The following KIF26B variants were observed in gnomAD, a reference collection of about 807,000 sequenced individuals.
KIF26B encodes the protein kinesin family member 26B.
In KIF26B, 63 loss-of-function variants were observed where a neutral mutation model predicts 151.2. That is an observed-to-expected ratio of 0.42 (90% CI 0.34 to 0.51). KIF26B has a LOEUF of 0.51. Among genes scored for constraint, KIF26B ranks in the 20% least tolerant of loss-of-function variants. The probability of loss-of-function intolerance (pLI) is 0.07; values close to 1 mark genes in which losing one functional copy is unlikely to be tolerated. For synonymous variants in KIF26B, 1,357 were observed against 1,262.1 expected (o/e 1.08, Z -1.59); for missense variants, 2,813 against 2,913.6 (o/e 0.97, Z 0.79).
rs868090020 is a variant in KIF26B at position 245,687,538 on chromosome 1, G to T, written c.4555G>T (p.Gly1519Cys). The T allele has an allele frequency of 6.4e-7, 1 of 1,568,930 alleles. No homozygotes were observed. The highest frequency in any genetic ancestry group is 8.6e-7 in the Non-Finnish European group (1 of 1,157,402). The change falls in exon 12 of 15, where the codon GGT (glycine) becomes TGT (cysteine). Residue 1519 changes from glycine (G) to cysteine (C), a missense_variant. Gly to Cys is a radical substitution (Grantham distance 159). Around this residue, in one of 3 missense-constraint regions of KIF26B, gnomAD observed 2,060 missense variants for 2,088.6 expected, o/e 0.99. Coordinates refer to ENST00000407071, the MANE Select transcript of KIF26B (RefSeq NM_018012.4). This position sits in a 1 kb window ranked among gnomAD's most constrained non-coding sequence, Gnocchi z 4.9. ...VVDGCEMALP[G>C]LATQSPVHPN... The stretch of plus-strand genomic sequence containing the variant: ...GGATGGGTGTGAGATGGCCCTGCCC[G>T]GTTTGGCCACCCAGAGCCCCGTGCA...
intron 4 of KIF26B, among the ~76,000 whole-genome samples, chr1:245,460,753 G>A (rs1208265780): frequency 6.6e-6 from 1 of 152,226 alleles, no homozygotes; most frequent in Non-Finnish European, 1.5e-5. Context: ...GTGTATCGGT[G>A]TGGGTATGTG....
intron 4 of KIF26B, among the ~76,000 whole-genome samples, chr1:245,489,350 T>A (rs1353688185): frequency 6.6e-6 from 1 of 152,244 alleles, no homozygotes; most frequent in African/African-American, 2.4e-5. Flanking sequence ...CTGATGCTAA[T>A]GTAGGAACGA....
intron 4 of KIF26B, among the ~76,000 whole-genome samples, chr1:245,432,553 C>T (rs928687381): frequency 6.6e-6 from 1 of 152,224 alleles, no homozygotes; most frequent in Admixed American, 6.5e-5. Context: ...GCTGAAAACC[C>T]ATCTTTTCTT....
rs2044499043 is a variant in KIF26B, at chr1:245,685,507, G to C, written c.2524G>C (p.Asp842His). 6.2e-7 allele frequency: 1 copy of C among 1,613,744 alleles called. No homozygotes were observed. ...CCACACCAGGGCCACGGTGGACCCT[G>C]ACTTCCCCATCGCTCACCTGTCCAG... ...PFHTRATVDP[D>H]FPIAHLSSDP... Residue 842 changes from aspartate to histidine, a missense_variant, in exon 12 of 15, where the codon GAC becomes CAC. Asp to His is a moderately conservative substitution (Grantham distance 81, BLOSUM62 -1). Transcript: ENST00000407071.
chr1:245,665,884 C>T (rs1429890191), intron 10 of KIF26B, among the ~76,000 whole-genome samples: 4 of 151,908 alleles, frequency 2.6e-5, no homozygotes, highest in Admixed American at 2.6e-4. Flanking sequence ...GGGGTTTCAC[C>T]ATGTTGCCCA....
chr1:245,522,363 C>T (rs1661147467), intron 4 of KIF26B, among the ~76,000 whole-genome samples: 2 of 150,386 alleles, frequency 1.3e-5, no homozygotes, highest in Admixed American at 1.3e-4. Flanking sequence ...TTTTGTTTTG[C>T]ATATGTATTG....
Position 245,156,544 on chromosome 1 carries a change from GC to G in KIF26B, c.327del (p.Ser110ProfsTer35). 6.5e-7 allele frequency: 1 copy of G among 1,535,436 alleles called. No homozygotes were observed. Among genetic ancestry groups the G allele is most frequent in the Non-Finnish European group, 8.7e-7 (1 of 1,147,022 alleles). On this transcript the variant is annotated frameshift_variant, in exon 2 of 15. Coordinates refer to ENST00000407071, the MANE Select transcript of KIF26B (RefSeq NM_018012.4). LOFTEE classifies it high-confidence loss of function. ...SLGGSPGFGT[G>X]SPGSGSGGGS... ...GGCGGCTCTCCGGGCTTCGGCACAG[GC>G]TCCCCGGGCTCCGGCAGCGGCGGCG... is the stretch of plus-strand genomic sequence containing the variant.
At chr1:245,472,444 G>A (rs983327032) in intron 4 of KIF26B, among the ~76,000 whole-genome samples, 1 of 152,140 alleles carries the variant, frequency 6.6e-6, no homozygotes, top group East Asian at 1.9e-4. Context: ...ATTTTGGGGG[G>A]TTTGGAAATA....
At chr1:245,261,408 G>A (rs371192686) in intron 2 of KIF26B, among the ~76,000 whole-genome samples, 24 of 151,840 alleles carry the variant, frequency 1.6e-4, no homozygotes, top group East Asian at 7.8e-4. Flanking sequence ...TGGGATTAGA[G>A]GCATGAGCCA....
At chr1:245,458,550 A>T (rs1309798536) in intron 4 of KIF26B, among the ~76,000 whole-genome samples, 1 of 152,178 alleles carries the variant, frequency 6.6e-6, no homozygotes, top group East Asian at 1.9e-4. Context: ...TCCTGAAGGC[A>T]TATAGCTACA....
At chr1:245,160,453 A>C (rs1450791458) in intron 2 of KIF26B, among the ~76,000 whole-genome samples, 1 of 152,198 alleles carries the variant, frequency 6.6e-6, no homozygotes, top group East Asian at 1.9e-4. Context: ...AGCCAGAAAT[A>C]GGGGCCAAGG....
rs1017332827 is a variant in KIF26B, at chr1:245,269,884, G to A, written c.466-96950G>A. Among the ~76,000 whole-genome samples, 5 of 152,064 alleles carry A rather than the reference G, an allele frequency of 3.3e-5. No homozygotes were observed. The South Asian group carries it at 8.3e-4, about 25-fold the overall frequency. ...AGGTTGTTCCCACTGTTTTGCTATC[G>A]TGAACAGTGATGCAGCGAACATGGG... On this transcript the variant is annotated intron_variant, in intron 2 of 14. Coordinates refer to ENST00000407071, the MANE Select transcript of KIF26B (RefSeq NM_018012.4).
intron 4 of KIF26B, among the ~76,000 whole-genome samples, chr1:245,467,955 G>A (rs1159594705): frequency 2.0e-5 from 3 of 149,026 alleles, no homozygotes; most frequent in African/African-American, 7.4e-5. Flanking sequence ...TTTAATAATG[G>A]TTTAAATCAT....
intron 10 of KIF26B, among the ~76,000 whole-genome samples, chr1:245,657,409 T>C (rs1300628713): frequency 6.6e-6 from 1 of 152,222 alleles, no homozygotes; most frequent in Non-Finnish European, 1.5e-5. Flanking sequence ...GCACCTGCCA[T>C]ATCCACTGTT....
At chr1:245,370,588 C>G (rs767261245) in intron 3 of KIF26B, 1 of 456,734 alleles carries the variant, frequency 2.2e-6, no homozygotes, top group South Asian at 1.5e-5. Flanking sequence ...CTCCGAAGCT[C>G]TTGTCACACG....
intron 4 of KIF26B, among the ~76,000 whole-genome samples, chr1:245,469,775 G>T (rs1168220091): frequency 6.6e-6 from 1 of 152,150 alleles, no homozygotes; most frequent in African/African-American, 2.4e-5. Flanking sequence ...GGACAACTTA[G>T]AGCCCTATTG....
chr1:245,500,428 G>GA (rs1660597305), intron 4 of KIF26B, among the ~76,000 whole-genome samples: 1 of 152,158 alleles, frequency 6.6e-6, no homozygotes, highest in African/African-American at 2.4e-5. Flanking sequence ...TTGTCAGTTA[G>GA]AAAAAATACA....
chr1:245,187,295 G>C (rs1190282559), intron 2 of KIF26B, among the ~76,000 whole-genome samples: 2 of 152,226 alleles, frequency 1.3e-5, no homozygotes, highest in Non-Finnish European at 1.5e-5. Flanking sequence ...TTATAAGTGG[G>C]AGCTAAATAA....
intron 2 of KIF26B, among the ~76,000 whole-genome samples, chr1:245,281,906 G>T (rs540391621): frequency 2.0e-5 from 3 of 151,682 alleles, no homozygotes; most frequent in African/African-American, 7.3e-5. Flanking sequence ...TCAAAGATCA[G>T]ATAGTTGTAG....
Sources: gnomAD v4.1 joint callset for allele counts (sites outside exome capture counted in the v4.1 genomes callset) on GRCh38, gnomAD v4.1.1 for gene constraint, gnomAD v4.1.1 regional missense constraint, Gnocchi (gnomAD v3.1) non-coding constraint, MANE v1.5 for transcripts, NCBI Gene and HGNC (gene_info 2026-07-23, HGNC 2026-07-21) for gene names.